AIG1: variants seen among roughly 807,000 people sequenced by gnomAD.
AIG1 encodes androgen induced 1.
In AIG1, 23 loss-of-function variants were observed where a neutral mutation model predicts 31.4. The ratio of observed to expected loss-of-function variants is 0.73; its 90% CI spans 0.53 to 1.04. The LOEUF (loss-of-function observed/expected upper bound fraction) is 1.04, where lower values mean the gene tolerates loss of function less well. Among genes scored for constraint, AIG1 ranks in the 50% least tolerant of loss-of-function variants. The pLI is 0.00. For missense variants in AIG1, 274 were observed against 295.0 expected (o/e 0.93, Z 0.52); for synonymous variants, 100 against 110.5 (o/e 0.90, Z 0.60).
chr6:143,178,128 G>T (rs980390026), intron 3 of AIG1, among the ~76,000 whole-genome samples: 13 of 152,118 alleles, frequency 8.5e-5, no homozygotes, highest in Non-Finnish European at 1.6e-4. Context: ...CCTCTTTTCC[G>T]TGGGCAGCCT....
Position 143,326,581 on chromosome 6 carries a change from A to G in AIG1, c.516-6701A>G. Among the ~76,000 whole-genome samples the G allele has an allele frequency of 6.6e-6, 1 of 152,196 alleles. No homozygotes were observed. The highest frequency in any genetic ancestry group is 1.9e-4 in the East Asian group (1 of 5,196). The stretch of plus-strand genomic sequence containing the variant: ...ATATTATTTAAATAAAGATATTCAA[A>G]TTTAAGTATGAATAAAAGAGCTTTA... On this transcript the variant is annotated intron_variant, in intron 4 of 5. Coordinates refer to ENST00000357847, the MANE Select transcript of AIG1 (RefSeq NM_016108.4). The surrounding 1 kb of genome is among the most constrained non-coding windows in gnomAD (Gnocchi z 4.5).
intron 3 of AIG1, among the ~76,000 whole-genome samples, chr6:143,172,293 C>T (rs116151070): frequency 0.014 from 2,108 of 152,168 alleles, 39 homozygotes; most frequent in African/African-American, 0.048. Flanking sequence ...GCTGATGAGC[C>T]AACCTCTAGA....
intron 2 of AIG1, 148 bp downstream of exon 2, chr6:143,137,138 C>A: frequency 3.5e-6 from 3 of 848,462 alleles, no homozygotes; most frequent in Non-Finnish European, 4.8e-6. Context: ...GTGGCTTAAA[C>A]AACAAACATT....
At chr6:143,115,737 A>G (rs1185429040) in intron 1 of AIG1, among the ~76,000 whole-genome samples, 1 of 152,250 alleles carries the variant, frequency 6.6e-6, no homozygotes, top group Non-Finnish European at 1.5e-5. Context: ...CCTGTAGTTG[A>G]TCACAGGCTT....
chr6:143,111,623 A>G (rs568238418), intron 1 of AIG1, among the ~76,000 whole-genome samples: 1 of 152,284 alleles, frequency 6.6e-6, no homozygotes, highest in African/African-American at 2.4e-5. Context: ...ATCCTACACT[A>G]CAAACACGTA....
chr6:143,187,214 A>G (rs1789342147), intron 3 of AIG1, among the ~76,000 whole-genome samples: 1 of 152,234 alleles, frequency 6.6e-6, no homozygotes, highest in South Asian at 2.1e-4. Context: ...CAAAGAATTC[A>G]GATCTTCCTT....
chr6:143,304,502 G>A (rs905252065), intron 4 of AIG1, among the ~76,000 whole-genome samples: 3 of 152,018 alleles, frequency 2.0e-5, no homozygotes, highest in African/African-American at 4.8e-5. Flanking sequence ...TTTTGTCTTT[G>A]GTTCTATTTA....
At chr6:143,237,407 A>G (rs920249537) in intron 3 of AIG1, among the ~76,000 whole-genome samples, 2 of 152,166 alleles carry the variant, frequency 1.3e-5, no homozygotes, top group East Asian at 1.9e-4. Context: ...CATTTAATAA[A>G]CCTTTATAAG....
chr6:143,204,297 G>T (rs181885245), intron 3 of AIG1, among the ~76,000 whole-genome samples: 117 of 152,230 alleles, frequency 7.7e-4, no homozygotes, highest in Admixed American at 1.6e-3. Context: ...ACATTGTCTT[G>T]TGCCCTTGGT....
intron 3 of AIG1, among the ~76,000 whole-genome samples, chr6:143,168,031 A>G (rs1389829789): frequency 2.0e-5 from 3 of 152,336 alleles, no homozygotes; most frequent in African/African-American, 7.2e-5. Context: ...CCTTTAGACT[A>G]GCAATTAAAA....
At chr6:143,177,128 A>G (rs1788241914) in intron 3 of AIG1, among the ~76,000 whole-genome samples, 1 of 152,192 alleles carries the variant, frequency 6.6e-6, no homozygotes, top group South Asian at 2.1e-4. Flanking sequence ...TGAGTTATTC[A>G]GTTCTAACAT....
chr6:143,272,661 A>C (rs1796615051), intron 3 of AIG1, among the ~76,000 whole-genome samples: 1 of 152,258 alleles, frequency 6.6e-6, no homozygotes, highest in African/African-American at 2.4e-5. Context: ...CCAAATATTA[A>C]GGGATTGCAG....
chr6:143,143,866 C>T (rs1198285850), intron 2 of AIG1, among the ~76,000 whole-genome samples: 1 of 151,990 alleles, frequency 6.6e-6, no homozygotes, highest in Admixed American at 6.6e-5. Flanking sequence ...GGAAAATGAG[C>T]CATGTTTTCC....
At position 143,293,641 on chromosome 6, in the gene AIG1, C is replaced by T. The variant is rs1798210585; in HGVS notation, c.515+9416C>T. ...GTCTCAATCCCCAGTATTTATTATT[C>T]TGAGTTTTTTGTTCTCCTACCCCCA... On this transcript the variant is annotated intron_variant, in intron 4 of 5. Coordinates refer to ENST00000357847, the MANE Select transcript of AIG1 (RefSeq NM_016108.4). The surrounding 1 kb of genome is among the most constrained non-coding windows in gnomAD (Gnocchi z 4.8). Among the ~76,000 whole-genome samples the T allele has an allele frequency of 6.6e-6, 1 of 152,158 alleles. No homozygotes were observed. The highest frequency in any genetic ancestry group is 1.5e-5 in the Non-Finnish European group (1 of 68,022).
At position 143,327,449 on chromosome 6, in the gene AIG1, G is replaced by T; in HGVS notation, c.516-5833G>T. 2.6e-6 allele frequency: 1 copy of T among 382,428 alleles called. No individual in the cohort carries two copies. The highest frequency in any genetic ancestry group is 8.0e-5 in the East Asian group (1 of 12,554). 23.7% of individuals were successfully genotyped at this position (382,428 alleles called of 1,614,324 possible). A position where few individuals can be genotyped will look rare whatever the true frequency, so the allele number is the denominator to read the frequency against. ...CTGGAAATTTGCCACGAAGGAGATG[G>T]GAACTCCAGATTTGCGCATTGATAC... On this transcript the variant is annotated intron_variant, in intron 4 of 5. Coordinates refer to ENST00000357847, the MANE Select transcript of AIG1 (RefSeq NM_016108.4). The surrounding 1 kb of genome is among the most constrained non-coding windows in gnomAD (Gnocchi z 5.3).
intron 1 of AIG1, among the ~76,000 whole-genome samples, chr6:143,104,204 A>G (rs1430839447): frequency 1.3e-5 from 2 of 152,228 alleles, no homozygotes; most frequent in East Asian, 1.9e-4. Flanking sequence ...CTTGCAGCCA[A>G]CCATTCTGTG....
chr6:143,120,097 A>AT (rs1583238293), intron 1 of AIG1, among the ~76,000 whole-genome samples: 1 of 151,620 alleles, frequency 6.6e-6, no homozygotes, highest in South Asian at 2.1e-4. Context: ...TGCCTGGCTA[A>AT]TTTTTTTTGT....
chr6:143,221,023 G>A (rs904999088), intron 3 of AIG1, among the ~76,000 whole-genome samples: 13 of 151,890 alleles, frequency 8.6e-5, no homozygotes, highest in African/African-American at 2.2e-4. Flanking sequence ...TTGTTTAACC[G>A]ATTTGCAAAT....
At chr6:143,235,696 G>A (rs779603990) in intron 3 of AIG1, among the ~76,000 whole-genome samples, 13 of 152,190 alleles carry the variant, frequency 8.5e-5, no homozygotes, top group African/African-American at 2.9e-4. Context: ...AAAGGATACC[G>A]TTGTATTTAG....
Sources: allele counts gnomAD v4.1 joint callset (sites outside exome capture counted in the v4.1 genomes callset), GRCh38; gene constraint gnomAD v4.1.1; non-coding constraint Gnocchi (gnomAD v3.1); transcripts MANE v1.5; gene names NCBI Gene and HGNC (gene_info 2026-07-23, HGNC 2026-07-21).